The following MCTP1 variants were observed in gnomAD, a reference collection of about 807,000 sequenced individuals.
MCTP1 encodes multiple C2 and transmembrane domain containing 1.
MCTP1 carries 69 observed loss-of-function variants against 120.6 expected under a neutral mutation model. That is an observed-to-expected ratio of 0.57 (90% CI 0.47 to 0.70). The LOEUF (loss-of-function observed/expected upper bound fraction) is 0.70. Ranked by LOEUF, MCTP1 falls within the 30% of genes least tolerant of loss-of-function variation. The pLI is 0.00. For missense variants in MCTP1, 1,203 were observed against 1,248.8 expected (o/e 0.96, Z 0.55); for synonymous variants, 529 against 493.1 (o/e 1.07, Z -0.96).
chr5:95,283,785 G>C (rs984042954), intron 1 of MCTP1, 71 bp downstream of exon 1: 16 of 1,202,578 alleles, frequency 1.3e-5, no homozygotes, highest in South Asian at 6.2e-5. Flanking sequence ...CCCGCTCCCC[G>C]GGTGGTGAAC....
At chr5:95,059,111 A>G (rs1176188081) in intron 1 of MCTP1, among the ~76,000 whole-genome samples, 1 of 152,156 alleles carries the variant, frequency 6.6e-6, no homozygotes, top group East Asian at 1.9e-4. Context: ...ATAATGATAT[A>G]TGCACTTGTA....
chr5:94,995,493 T>G (rs1368863883), intron 2 of MCTP1, among the ~76,000 whole-genome samples: 1 of 152,198 alleles, frequency 6.6e-6, no homozygotes, highest in Non-Finnish European at 1.5e-5. Flanking sequence ...TGATTGCTAA[T>G]TTCACCAAGA....
At chr5:94,920,554 AAC>A in intron 7 of MCTP1, among the ~76,000 whole-genome samples, 2 of 151,958 alleles carry the variant, frequency 1.3e-5, no homozygotes, top group Non-Finnish European at 2.9e-5. Context: ...CATCCTGGCT[AAC>A]ACATGAAACC....
chr5:94,948,818 T>TA (rs1168933010), intron 3 of MCTP1, among the ~76,000 whole-genome samples: 1 of 152,148 alleles, frequency 6.6e-6, no homozygotes, highest in African/African-American at 2.4e-5. Flanking sequence ...CCTTTATGAA[T>TA]AACTCTCGTG....
At chr5:94,783,402 C>T (rs914911095) in intron 18 of MCTP1, among the ~76,000 whole-genome samples, 2 of 152,046 alleles carry the variant, frequency 1.3e-5, no homozygotes, top group African/African-American at 4.8e-5. Flanking sequence ...GAGGAGCTCT[C>T]GTACTGTTAC....
intron 1 of MCTP1, among the ~76,000 whole-genome samples, chr5:95,134,282 C>A (rs1415720980): frequency 1.3e-5 from 2 of 152,146 alleles, no homozygotes; most frequent in African/African-American, 4.8e-5. Context: ...CCACTAAAAG[C>A]ATTTGAATAT....
At chr5:94,845,672 G>A (rs777566407) in intron 17 of MCTP1, among the ~76,000 whole-genome samples, 1 of 152,060 alleles carries the variant, frequency 6.6e-6, no homozygotes, top group African/African-American at 2.4e-5. Context: ...AGTCTCTTGA[G>A]TAGCTGAGAT....
At chr5:95,255,330 C>T (rs1025511753) in intron 1 of MCTP1, among the ~76,000 whole-genome samples, 1 of 152,016 alleles carries the variant, frequency 6.6e-6, no homozygotes, top group South Asian at 2.1e-4. Context: ...TGGAAATAGA[C>T]AGTTTAAGAA....
intron 1 of MCTP1, among the ~76,000 whole-genome samples, chr5:95,047,770 T>C (rs1342636384): frequency 6.6e-6 from 1 of 152,080 alleles, no homozygotes; most frequent in African/African-American, 2.4e-5. Context: ...CTTCTTCCCC[T>C]TTCTCCCACC....
intron 1 of MCTP1, among the ~76,000 whole-genome samples, chr5:95,159,720 A>C (rs1745510947): frequency 6.6e-6 from 1 of 152,050 alleles, no homozygotes; most frequent in Non-Finnish European, 1.5e-5. Context: ...AGCACATTGA[A>C]GCTTGAGAGT....
intron 17 of MCTP1, among the ~76,000 whole-genome samples, chr5:94,813,676 A>C (rs1260002798): frequency 6.6e-6 from 1 of 152,174 alleles, no homozygotes; most frequent in Non-Finnish European, 1.5e-5. Flanking sequence ...ACTTGAGTCC[A>C]GGAGTTTAAG....
In MCTP1 at chr5:95,127,308, A is replaced by T. The variant is rs59906336; in HGVS notation, c.721-109824T>A. 2.3e-3 allele frequency among the ~76,000 whole-genome samples: 350 copies of T among 152,198 alleles called. 2 individuals carry two copies. Among genetic ancestry groups the T allele is most frequent in the African/African-American group, 8.2e-3 (339 of 41,518 alleles). ...ACCAGTATTTTGGGGGTATATATTG[A>T]ATGACAAGCAGAAAGTGCTCTTCAG... On this transcript the variant is annotated intron_variant, in intron 1 of 22. Coordinates refer to ENST00000515393, the MANE Select transcript of MCTP1 (RefSeq NM_024717.7).
intron 9 of MCTP1, among the ~76,000 whole-genome samples, chr5:94,910,741 G>C (rs540741395): frequency 1.4e-5 from 2 of 148,104 alleles, no homozygotes; most frequent in East Asian, 3.9e-4. Flanking sequence ...ACTAAGAAAG[G>C]AGAAGATAGA....
At chr5:94,718,821 G>A (rs1014498692) in intron 19 of MCTP1, among the ~76,000 whole-genome samples, 2 of 152,194 alleles carry the variant, frequency 1.3e-5, no homozygotes, top group Non-Finnish European at 1.5e-5. Context: ...CCAGGTTCAA[G>A]CAATTCTCCT....
At chr5:95,241,923 C>G (rs918688337) in intron 1 of MCTP1, among the ~76,000 whole-genome samples, 5 of 152,038 alleles carry the variant, frequency 3.3e-5, no homozygotes, top group Non-Finnish European at 7.4e-5. Flanking sequence ...AAACACTGAA[C>G]CACAGTCTCT....
chr5:95,208,578 G>A (rs531349686), intron 1 of MCTP1, among the ~76,000 whole-genome samples: 1 of 152,082 alleles, frequency 6.6e-6, no homozygotes, highest in East Asian at 1.9e-4. Flanking sequence ...GGTTTTGAGG[G>A]TTTAAATAAC....
At chr5:95,169,987 T>C (rs1022770707) in intron 1 of MCTP1, among the ~76,000 whole-genome samples, 3 of 152,252 alleles carry the variant, frequency 2.0e-5, no homozygotes, top group African/African-American at 7.2e-5. Context: ...TCTCTAGTTC[T>C]TTTAATTGTG....
chr5:94,845,911 A>G (rs1278428603), intron 17 of MCTP1, among the ~76,000 whole-genome samples: 6 of 152,132 alleles, frequency 3.9e-5, no homozygotes, highest in Non-Finnish European at 1.5e-5. Flanking sequence ...GCTCAACATC[A>G]CTAATCATTA....
At chr5:95,278,808 C>T (rs971705922) in intron 1 of MCTP1, among the ~76,000 whole-genome samples, 4 of 151,336 alleles carry the variant, frequency 2.6e-5, no homozygotes, top group African/African-American at 4.9e-5. Flanking sequence ...ACTAAAAATA[C>T]AAAATTAGCC....
Sources: gnomAD v4.1 joint callset for allele counts (sites outside exome capture counted in the v4.1 genomes callset) on GRCh38, gnomAD v4.1.1 for gene constraint, MANE v1.5 for transcripts, NCBI Gene and HGNC (gene_info 2026-07-23, HGNC 2026-07-21) for gene names.